ARHGAP22: variants seen among roughly 807,000 people sequenced by gnomAD.
ARHGAP22 encodes rho GTPase-activating protein 22.
Under a neutral mutation model 59.1 loss-of-function variants are expected in ARHGAP22, and 48 were observed. That is an observed-to-expected ratio of 0.81 (90% CI 0.64 to 1.03). The LOEUF (loss-of-function observed/expected upper bound fraction) is 1.03, where lower values mean the gene tolerates loss of function less well. ARHGAP22 is among the 50% of genes least tolerant of loss of function. The pLI is 0.00. For missense variants in ARHGAP22, 1,015 were observed against 958.7 expected, an observed-to-expected ratio of 1.06 and a Z score of -0.78; for synonymous variants, 445 against 416.4, an observed-to-expected ratio of 1.07 and a Z score of -0.84.
At chr10:48,575,472 G>A (rs750104465) in intron 2 of ARHGAP22, 6 of 152,120 alleles carry the variant, frequency 3.9e-5, no homozygotes, top group Non-Finnish European at 8.8e-5. Context: ...TTCCCCTGAG[G>A]TTTCCTCTTT....
At chr10:48,570,820 C>T (rs1326779410) in intron 2 of ARHGAP22, among the ~76,000 whole-genome samples, 1 of 152,160 alleles carries the variant, frequency 6.6e-6, no homozygotes, top group Admixed American at 6.5e-5. Context: ...ACTGTGTCTC[C>T]CCAGAGACCT....
chr10:48,615,266 C>G (rs1163354026), intron 1 of ARHGAP22, among the ~76,000 whole-genome samples: 1 of 152,186 alleles, frequency 6.6e-6, no homozygotes, highest in Non-Finnish European at 1.5e-5. Context: ...CTTCAACACA[C>G]CCACACAGCA....
At chr10:48,633,729 T>C (rs2061707720) in intron 1 of ARHGAP22, among the ~76,000 whole-genome samples, 1 of 152,204 alleles carries the variant, frequency 6.6e-6, no homozygotes, top group Non-Finnish European at 1.5e-5. Flanking sequence ...GAGGGCTGGC[T>C]TTCCCTGTGG....
intron 1 of ARHGAP22, among the ~76,000 whole-genome samples, chr10:48,594,404 TGAGGGTGTGTGGATCACTCATGGGCC>T (rs1367013489): frequency 6.6e-6 from 1 of 152,186 alleles, no homozygotes; most frequent in Non-Finnish European, 1.5e-5. Context: ...AGGGGCTCAG[TGAGGGTGTGTGGATCACTCATGGGCC>T]GAGCCCTGCA....
intron 1 of ARHGAP22, 152 bp downstream of exon 1, chr10:48,604,611 C>A: frequency 7.8e-7 from 1 of 1,285,818 alleles, no homozygotes; most frequent in South Asian, 1.4e-5. Flanking sequence ...CGAGGAAGGG[C>A]ACTTCCTCAG....
At chr10:48,506,799 A>G (rs7098760) in intron 3 of ARHGAP22, among the ~76,000 whole-genome samples, 33,780 of 152,026 alleles carry the variant, frequency 0.22, 6,385 homozygotes, top group East Asian at 0.59. Flanking sequence ...ACGAGGGCCT[A>G]GATGTTCTCG....
At chr10:48,459,956 A>G in intron 4 of ARHGAP22, 65 bp from the exon 5 acceptor site, 1 of 1,505,762 alleles carries the variant, frequency 6.6e-7, no homozygotes, top group Non-Finnish European at 9.0e-7. Flanking sequence ...GCTCAGGACA[A>G]TGGAGGGCAG....
At chr10:48,522,162 T>G (rs1589917783) in intron 3 of ARHGAP22, among the ~76,000 whole-genome samples, 1 of 152,214 alleles carries the variant, frequency 6.6e-6, no homozygotes, top group Non-Finnish European at 1.5e-5. Context: ...GGTTCTCTCC[T>G]CCCTGCCAGA....
intron 1 of ARHGAP22, among the ~76,000 whole-genome samples, chr10:48,586,357 G>A (rs532757977): frequency 6.6e-6 from 1 of 152,202 alleles, no homozygotes; most frequent in African/African-American, 2.4e-5. Context: ...ACCCAGCAGG[G>A]CAAGCTGGCA....
In ARHGAP22 at chr10:48,577,801, G is replaced by GTTTT. The variant is rs34557935; in HGVS notation, c.234+5148_234+5151dup. 3.2e-4 allele frequency among the ~76,000 whole-genome samples: 19 copies of GTTTT among 59,140 alleles called. 3 individuals carry two copies. The highest frequency in any genetic ancestry group is 3.8e-4 in the Non-Finnish European group (13 of 34,250). The allele number at this position is 59,140 out of a possible 152,430, so 38.8% of individuals were successfully genotyped here. ...TCTGAGATCTAACTGCTCTTTTTTG[G>GTTTT]TTTTTTTTTTTTTTTTTTTTTTTTT... On this transcript the variant is annotated intron_variant, in intron 2 of 9. Coordinates refer to ENST00000249601, the MANE Select transcript of ARHGAP22 (RefSeq NM_021226.4).
upstream of ARHGAP22, among the ~76,000 whole-genome samples, chr10:48,609,650 T>A (rs1473850340): frequency 2.0e-5 from 3 of 152,190 alleles, no homozygotes; most frequent in African/African-American, 7.2e-5. Context: ...CTGCCCTTTT[T>A]TGCCTCTTGA....
chr10:48,474,337 T>C (rs549542844), intron 4 of ARHGAP22, among the ~76,000 whole-genome samples: 2 of 152,364 alleles, frequency 1.3e-5, no homozygotes, highest in African/African-American at 2.4e-5. Flanking sequence ...TTAATTCTAA[T>C]AGTTTTTTTG....
At chr10:48,609,507 C>T (rs1349775553), upstream of ARHGAP22, among the ~76,000 whole-genome samples, 1 of 152,152 alleles carries the variant, frequency 6.6e-6, no homozygotes, top group Non-Finnish European at 1.5e-5. Context: ...CTGCATGGAG[C>T]CAAGCCCTCA....
chr10:48,434,628 T>G, the ARHGAP22 span, among the ~76,000 whole-genome samples: 1 of 152,172 alleles, frequency 6.6e-6, no homozygotes, highest in Non-Finnish European at 1.5e-5. Context: ...GATGTAAAAT[T>G]CTTGTCTTAA....
chr10:48,519,813 AG>A (rs1411819253), intron 3 of ARHGAP22, among the ~76,000 whole-genome samples: 5 of 151,706 alleles, frequency 3.3e-5, no homozygotes, highest in Non-Finnish European at 4.4e-5. Context: ...TGGGAGGGGG[AG>A]GGGGGAACAC....
chr10:48,643,764 A>AAAAAT (rs887902062), intron 1 of ARHGAP22, among the ~76,000 whole-genome samples: 5 of 144,268 alleles, frequency 3.5e-5, no homozygotes, highest in African/African-American at 1.3e-4. Flanking sequence ...AAAAAAAAAA[A>AAAAAT]ATATATATAT....
intron 3 of ARHGAP22, among the ~76,000 whole-genome samples, chr10:48,543,295 C>T (rs952810061): frequency 1.3e-5 from 2 of 152,160 alleles, no homozygotes; most frequent in Non-Finnish European, 2.9e-5. Context: ...CCAGGCTCCT[C>T]ACTGCCTTGG....
At chr10:48,532,145 A>G (rs953016680) in intron 3 of ARHGAP22, among the ~76,000 whole-genome samples, 4 of 152,246 alleles carry the variant, frequency 2.6e-5, no homozygotes, top group Non-Finnish European at 5.9e-5. Flanking sequence ...GATCCAATCT[A>G]CAGGTGAGGA....
At chr10:48,626,350 G>A (rs1203243262) in intron 1 of ARHGAP22, among the ~76,000 whole-genome samples, 3 of 152,146 alleles carry the variant, frequency 2.0e-5, no homozygotes, top group Non-Finnish European at 4.4e-5. Flanking sequence ...TAATCTTGGG[G>A]ACCTCATCAG....
Sources: allele counts gnomAD v4.1 joint callset (sites outside exome capture counted in the v4.1 genomes callset), GRCh38; gene constraint gnomAD v4.1.1; transcripts MANE v1.5; gene names NCBI Gene and HGNC (gene_info 2026-07-23, HGNC 2026-07-21).